The following ZC3H12B variants were observed in gnomAD, a reference collection of about 807,000 sequenced individuals.
ZC3H12B encodes probable ribonuclease ZC3H12B.
A neutral mutation model predicts 43.9 loss-of-function variants in ZC3H12B; 7 were observed. The observed-to-expected ratio is 0.16, with a 90% CI of 0.09 to 0.30. The LOEUF (loss-of-function observed/expected upper bound fraction) is 0.30, where lower values mean the gene tolerates loss of function less well. ZC3H12B is among the 10% of genes least tolerant of loss of function. ZC3H12B has a pLI of 1.00. For synonymous variants in ZC3H12B, 222 were observed against 241.7 expected (o/e 0.92, Z 0.76); for missense variants, 475 against 670.2 (o/e 0.71, Z 3.22).
chrX:65,375,920 A>AC (rs2066339968), intron 2 of ZC3H12B, among the ~76,000 whole-genome samples: 1 of 111,822 alleles, frequency 8.9e-6, no homozygotes, highest in South Asian at 3.7e-4. Context: ...CAGAGGAAAA[A>AC]GTAAAGGGGA....
At chrX:65,244,682 A>T in the ZC3H12B span, among the ~76,000 whole-genome samples, 2 of 89,646 alleles carry the variant, frequency 2.2e-5, no homozygotes, top group Non-Finnish European at 2.1e-5. Flanking sequence ...GTGGACCATG[A>T]CTGCACTGCT....
At chrX:65,101,221 G>A in the ZC3H12B span, among the ~76,000 whole-genome samples, 1 of 112,050 alleles carries the variant, frequency 8.9e-6, no homozygotes. Flanking sequence ...CAATGTACCA[G>A]AATCTCTGGG....
the ZC3H12B span, among the ~76,000 whole-genome samples, chrX:65,351,950 A>AG: frequency 3.6e-5 from 4 of 112,494 alleles, no homozygotes; most frequent in Admixed American, 1.9e-4. Flanking sequence ...CATTTGATCC[A>AG]GCAGTCTCAT....
the ZC3H12B span, among the ~76,000 whole-genome samples, chrX:65,179,591 A>G: frequency 6.3e-5 from 7 of 110,531 alleles, no homozygotes; most frequent in African/African-American, 2.3e-4. Context: ...TAGATAGACC[A>G]CCAGCCAGAC....
chrX:65,060,003 T>C, the ZC3H12B span, among the ~76,000 whole-genome samples: 1 of 112,718 alleles, frequency 8.9e-6, no homozygotes, highest in Non-Finnish European at 1.9e-5. Flanking sequence ...TTTTTCAATT[T>C]CTTTTTCAGA....
rs184802334 is a variant in ZC3H12B, at chrX:65,489,805, C to T, written c.608+396C>T. ...AACTGTTATTATACCAAATTTTGAT[C>T]CTTTTCCCTGGCTTTAAGGCTCTTT... On this transcript the variant is annotated intron_variant, in intron 1 of 4. Transcript: ENST00000338957. Among the ~76,000 whole-genome samples, 7 of 111,971 alleles carry T rather than the reference C, an allele frequency of 6.3e-5. No homozygotes were observed. In the East Asian group the frequency reaches 2.0e-3, roughly 32 times the overall value.
the ZC3H12B span, among the ~76,000 whole-genome samples, chrX:65,229,671 C>T: frequency 2.0e-5 from 2 of 100,000 alleles, no homozygotes; most frequent in Non-Finnish European, 4.1e-5. Context: ...CTACAATGAA[C>T]TCAAAGAAAT....
At chrX:65,374,057 A>ATATATACAGTATATATATAAC (rs2066305577) in intron 2 of ZC3H12B, among the ~76,000 whole-genome samples, 2 of 62,368 alleles carry the variant, frequency 3.2e-5, no homozygotes, top group Non-Finnish European at 5.3e-5. Flanking sequence ...ATATATAACT[A>ATATATACAGTATATATATAAC]TATATATACA....
chrX:65,185,224 A>T, the ZC3H12B span: 1 of 111,996 alleles, frequency 8.9e-6, no homozygotes, highest in African/African-American at 3.2e-5. Flanking sequence ...TCACTTGTAT[A>T]AATAGTGACT....
the ZC3H12B span, among the ~76,000 whole-genome samples, chrX:65,070,387 T>A: frequency 9.0e-6 from 1 of 110,650 alleles, no homozygotes; most frequent in Non-Finnish European, 1.9e-5. Flanking sequence ...ACTTTTGGGA[T>A]CATTAGTGTT....
the ZC3H12B span, among the ~76,000 whole-genome samples, chrX:65,085,511 C>G: frequency 0.12 from 13,791 of 110,832 alleles, 2,077 homozygotes; most frequent in African/African-American, 0.42. Context: ...TAATGGCTCA[C>G]ACCTATATTA....
chrX:65,119,099 G>T, the ZC3H12B span, among the ~76,000 whole-genome samples: 4 of 111,126 alleles, frequency 3.6e-5, no homozygotes, highest in East Asian at 2.8e-4. Flanking sequence ...GAATAGTGCT[G>T]CAGTAAACAT....
intron 3 of ZC3H12B, among the ~76,000 whole-genome samples, chrX:65,483,327 C>G (rs1402679287): frequency 9.0e-6 from 1 of 111,709 alleles, no homozygotes; most frequent in Non-Finnish European, 1.9e-5. Context: ...AAGAAACAAT[C>G]TTTACCTCCT....
the ZC3H12B span, among the ~76,000 whole-genome samples, chrX:65,131,676 A>G: frequency 9.0e-6 from 1 of 111,724 alleles, no homozygotes; most frequent in African/African-American, 3.3e-5. Context: ...GTCCCTAACC[A>G]TGCGTAGGAA....
the ZC3H12B span, among the ~76,000 whole-genome samples, chrX:65,143,956 C>T: frequency 9.0e-6 from 1 of 110,861 alleles, no homozygotes; most frequent in Non-Finnish European, 1.9e-5. Flanking sequence ...GCATATTGGT[C>T]TTTAGTTCTT....
the ZC3H12B span, among the ~76,000 whole-genome samples, chrX:65,247,137 A>C: frequency 8.9e-6 from 1 of 112,443 alleles, no homozygotes; most frequent in African/African-American, 3.2e-5. Flanking sequence ...ATATGAGAAA[A>C]AGCTCAACAT....
chrX:65,162,923 G>A, the ZC3H12B span, among the ~76,000 whole-genome samples: 5 of 111,889 alleles, frequency 4.5e-5, no homozygotes, highest in South Asian at 1.9e-3. Context: ...CTTTGATGAT[G>A]GTGATGCACA....
chrX:65,438,813 C>T (rs1328977267), intron 3 of ZC3H12B, among the ~76,000 whole-genome samples: 1 of 113,213 alleles, frequency 8.8e-6, no homozygotes, highest in Non-Finnish European at 1.9e-5. Flanking sequence ...CCCTCATCCC[C>T]ATAAACCCAC....
At chrX:65,051,188 G>C in the ZC3H12B span, among the ~76,000 whole-genome samples, 3 of 111,427 alleles carry the variant, frequency 2.7e-5, no homozygotes, top group African/African-American at 9.8e-5. Flanking sequence ...AATTTCTGTG[G>C]CATCAGTTTT....
Sources: allele counts gnomAD v4.1 joint callset (sites outside exome capture counted in the v4.1 genomes callset), GRCh38; gene constraint gnomAD v4.1.1; transcripts MANE v1.5; gene names NCBI Gene and HGNC (gene_info 2026-07-23, HGNC 2026-07-21).